VCAN: variants seen among roughly 807,000 people sequenced by gnomAD.
The protein encoded by VCAN is versican core protein.
Under a neutral mutation model 245.5 loss-of-function variants are expected in VCAN, and 44 were observed. The ratio of observed to expected loss-of-function variants is 0.18; its 90% CI spans 0.14 to 0.23. The LOEUF is 0.23. Among genes scored for constraint, VCAN ranks in the 10% least tolerant of loss-of-function variants. The probability of loss-of-function intolerance (pLI) is 1.00; values close to 1 mark genes in which losing one functional copy is unlikely to be tolerated. For missense variants in VCAN, 3,793 were observed against 4,057.9 expected, an observed-to-expected ratio of 0.93 and a Z score of 1.77; for synonymous variants, 1,413 against 1,437.0, an observed-to-expected ratio of 0.98 and a Z score of 0.38.
chr5:83,522,085 C>G lies in VCAN; in HGVS notation c.3779C>G (p.Pro1260Arg), dbSNP rs746168022. Residue 1260 changes from proline to arginine, a missense_variant, in exon 7 of 15, where the codon CCC (proline) becomes CGC (arginine). Coordinates refer to ENST00000265077, the MANE Select transcript of VCAN (RefSeq NM_004385.5). ...GGAGAATCAACATCTCATGTTCCTC[C>G]CACTACCCTTGAAGATATTGTAGCC... ...IIGESTSHVP[P>R]TTLEDIVAKE... 6.2e-7 allele frequency: 1 copy of G among 1,614,142 alleles called. No homozygotes were observed. Among genetic ancestry groups the G allele is most frequent in the Non-Finnish European group, 8.5e-7 (1 of 1,180,012 alleles).
At chr5:83,558,435 T>C (rs1747752305) in intron 12 of VCAN, among the ~76,000 whole-genome samples, 1 of 152,138 alleles carries the variant, frequency 6.6e-6, no homozygotes, top group African/African-American at 2.4e-5. Flanking sequence ...CTCCATTTTT[T>C]TCTTTGAAAG....
At chr5:83,555,256 G>A (rs1017485903) in intron 12 of VCAN, among the ~76,000 whole-genome samples, 1 of 152,122 alleles carries the variant, frequency 6.6e-6, no homozygotes, top group Non-Finnish European at 1.5e-5. Context: ...AAAGAGGAGT[G>A]TACCAGATTT....
chr5:83,496,140 C>T (rs892769286), intron 5 of VCAN, among the ~76,000 whole-genome samples: 3 of 152,198 alleles, frequency 2.0e-5, no homozygotes, highest in Admixed American at 6.5e-5. Context: ...CTTCATTGAA[C>T]GATGGCTCCC....
chr5:83,572,669 C>A, intron 13 of VCAN, 109 bp downstream of exon 13: 1 of 1,357,704 alleles, frequency 7.4e-7, no homozygotes, highest in African/African-American at 1.4e-5. Flanking sequence ...CTGGATATGT[C>A]CATGTATGTC....
chr5:83,575,357 T>A (rs1580081949), intron 13 of VCAN, among the ~76,000 whole-genome samples: 1 of 152,288 alleles, frequency 6.6e-6, no homozygotes, highest in African/African-American at 2.4e-5. Context: ...ACCTCTGCGA[T>A]GAGATTTGTA....
rs913320204 is a variant in VCAN, at chr5:83,541,269, C to T, written c.8266C>T (p.His2756Tyr). 1 of 1,613,958 alleles carries T rather than the reference C, an allele frequency of 6.2e-7. No individual in the cohort carries two copies. The highest frequency in any genetic ancestry group is 1.7e-5 in the Admixed American group (1 of 59,980). Residue 2756 changes from histidine (H) to tyrosine (Y), a missense_variant, in exon 8 of 15, where the codon CAT becomes TAT. Around this residue, in one of 5 missense-constraint regions of VCAN, gnomAD observed 3,182 missense variants for 3,250.3 expected, o/e 0.98. Coordinates refer to ENST00000265077, the MANE Select transcript of VCAN (RefSeq NM_004385.5). Reference sequence around the variant, plus strand: ...TCAGGAGGAGTATGAAGACAAAAAACATGCTGGTCCTTCTTTTCAGCCAGA... The same window carrying T: ...TCAGGAGGAGTATGAAGACAAAAAATATGCTGGTCCTTCTTTTCAGCCAGA... ...RTQEEYEDKK[H>Y]AGPSFQPEFS...
Position 83,519,894 on chromosome 5 carries a change from A to C in VCAN, c.1588A>C (p.Lys530Gln), listed in dbSNP as rs1457105383. The C allele has an allele frequency of 3.1e-6, 5 of 1,614,032 alleles. No homozygotes were observed. In the South Asian group the frequency reaches 5.5e-5, roughly 18 times the overall value. ...AACTGCAAGAATGATCCTGGAATCC[A>C]AAACTGAAAAGAAAATGGTAAGCAC... The part of the protein sequence containing the change: ...LVTARMILES[K>Q]TEKKMVSTVS... The change falls in exon 7 of 15, where the codon AAA becomes CAA. Residue 530 changes from lysine (K) to glutamine (Q), a missense_variant. Physicochemically the swap from Lys to Gln is moderately conservative, Grantham distance 53 (BLOSUM62 1). Coordinates refer to ENST00000265077, the MANE Select transcript of VCAN (RefSeq NM_004385.5).
intron 5 of VCAN, among the ~76,000 whole-genome samples, chr5:83,506,579 T>C (rs1275138750): frequency 6.6e-6 from 1 of 152,174 alleles, no homozygotes; most frequent in Non-Finnish European, 1.5e-5. Context: ...TTCCAAACTT[T>C]CCCACATTTT....
At chr5:83,524,883 G>A (rs1231131289) in intron 7 of VCAN, among the ~76,000 whole-genome samples, 1 of 151,978 alleles carries the variant, frequency 6.6e-6, no homozygotes, top group African/African-American at 2.4e-5. Context: ...TTCCAGACTG[G>A]AAAGTCCTTG....
At chr5:83,564,776 C>T (rs1028525824) in intron 12 of VCAN, among the ~76,000 whole-genome samples, 1 of 151,406 alleles carries the variant, frequency 6.6e-6, no homozygotes, top group African/African-American at 2.4e-5. Flanking sequence ...AGAAAAACTC[C>T]CAAATTATAG....
At chr5:83,546,851 T>C (rs1456062160) in intron 9 of VCAN, among the ~76,000 whole-genome samples, 1 of 152,240 alleles carries the variant, frequency 6.6e-6, no homozygotes, top group Admixed American at 6.5e-5. Context: ...ACTTGCTTTG[T>C]ATATTCATTT....
At chr5:83,546,021 A>C (rs765862702) in intron 9 of VCAN, among the ~76,000 whole-genome samples, 2 of 152,202 alleles carry the variant, frequency 1.3e-5, no homozygotes, top group African/African-American at 2.4e-5. Context: ...CTTAAAAATT[A>C]GGAAAATAAT....
chr5:83,575,830 C>A (rs1748451098), intron 13 of VCAN, among the ~76,000 whole-genome samples: 1 of 151,996 alleles, frequency 6.6e-6, no homozygotes, highest in South Asian at 2.1e-4. Flanking sequence ...CAATGGATAA[C>A]AAGTTTTATA....
rs1036832714 is a variant in VCAN, at chr5:83,541,434, A to G, written c.8431A>G (p.Thr2811Ala). 22 of 1,614,076 alleles carry G rather than the reference A, an allele frequency of 1.4e-5. No individual in the cohort carries two copies. The highest frequency in any genetic ancestry group is 1.8e-5 in the Non-Finnish European group (21 of 1,179,990). Reference sequence around the variant, plus strand: ...CAATCCCCCATATTACACTGATACAACATTAGCAGTTTCAACATTTGCGAA... The same window carrying G: ...CAATCCCCCATATTACACTGATACAGCATTAGCAGTTTCAACATTTGCGAA... The part of the protein sequence containing the change: ...GSNPPYYTDT[T>A]LAVSTFAKLS... Residue 2811 changes from threonine (T) to alanine (A), a missense_variant, in exon 8 of 15, where the codon ACA becomes GCA. Physicochemically the swap from Thr to Ala is moderately conservative, Grantham distance 58. Transcript: ENST00000265077.
chr5:83,565,017 T>TAG (rs933752857), intron 12 of VCAN, among the ~76,000 whole-genome samples: 6 of 152,032 alleles, frequency 3.9e-5, no homozygotes, highest in Admixed American at 1.3e-4. Context: ...TATGGATAGA[T>TAG]AGAGAGAGAG....
At chr5:83,492,610 T>C (rs894945148) in intron 3 of VCAN, among the ~76,000 whole-genome samples, 1 of 152,170 alleles carries the variant, frequency 6.6e-6, no homozygotes, top group Non-Finnish European at 1.5e-5. Flanking sequence ...TTTGAAAATT[T>C]CTTGAGCCCT....
intron 1 of VCAN, among the ~76,000 whole-genome samples, chr5:83,482,091 A>G (rs1483242175): frequency 6.6e-6 from 1 of 152,220 alleles, no homozygotes; most frequent in African/African-American, 2.4e-5. Flanking sequence ...TCTCATATAA[A>G]ATGAAGTTCA....
chr5:83,565,636 C>G (rs917534170), intron 12 of VCAN, among the ~76,000 whole-genome samples: 6 of 152,056 alleles, frequency 3.9e-5, no homozygotes, highest in African/African-American at 1.5e-4. Context: ...AGTTATTTGA[C>G]CAAGTTAGAG....
intron 2 of VCAN, among the ~76,000 whole-genome samples, chr5:83,485,840 C>G (rs1249472995): frequency 2.6e-5 from 4 of 152,126 alleles, no homozygotes; most frequent in African/African-American, 4.8e-5. Flanking sequence ...TGGATCATGC[C>G]TGTAATCCCA....
Sources: allele counts gnomAD v4.1 joint callset (sites outside exome capture counted in the v4.1 genomes callset), GRCh38; gene constraint gnomAD v4.1.1; regional missense constraint gnomAD v4.1.1; transcripts MANE v1.5; gene names NCBI Gene and HGNC (gene_info 2026-07-23, HGNC 2026-07-21).